The following TJP2 variants were observed in gnomAD, a reference collection of about 807,000 sequenced individuals.
TJP2 encodes Friedreich ataxia region gene X104 (tight junction protein ZO-2).
TJP2 carries 91 observed loss-of-function variants against 133.1 expected under a neutral mutation model. That is an observed-to-expected ratio of 0.68 (90% CI 0.58 to 0.81). The LOEUF (loss-of-function observed/expected upper bound fraction) is 0.81. TJP2 is among the 40% of genes least tolerant of loss of function. TJP2 has a pLI of 0.00. For missense variants in TJP2, 1,541 were observed against 1,565.6 expected, an observed-to-expected ratio of 0.98 and a Z score of 0.26; for synonymous variants, 592 against 583.4, an observed-to-expected ratio of 1.01 and a Z score of -0.21.
At chr9:69,162,416 A>C (rs549601714) in intron 2 of TJP2, among the ~76,000 whole-genome samples, 280 of 152,226 alleles carry the variant, frequency 1.8e-3, no homozygotes, top group Non-Finnish European at 3.2e-3. Flanking sequence ...TACTGTTTAC[A>C]CTTAACACAT....
In TJP2 at chr9:69,220,909, TCCAGGTGGCCGCACTTCAGG is replaced by T. The variant is rs2133269483; in HGVS notation, c.370_389del (p.Val124ProfsTer7). On this transcript the variant is annotated frameshift_variant, in exon 5 of 23. Coordinates refer to ENST00000377245, the MANE Select transcript of TJP2 (RefSeq NM_004817.4). LOFTEE classifies it high-confidence loss of function. Reference sequence around the variant, plus strand: ...CAGGTGGTCAAGAGGCCCCGGAAGGTCCAGGTGGCCGCACTTCAGGCCAGCCCTCCCCTGGATCAGGATGA... The same window carrying T: ...CAGGTGGTCAAGAGGCCCCGGAAGGTCCAGCCCTCCCCTGGATCAGGATGA... The T allele has an allele frequency of 1.1e-5, 18 of 1,612,312 alleles. No individual in the cohort carries two copies. The highest frequency in any genetic ancestry group is 1.5e-5 in the Non-Finnish European group (18 of 1,180,004).
At chr9:69,148,503 T>G (rs1016665439) in intron 1 of TJP2, among the ~76,000 whole-genome samples, 1 of 145,244 alleles carries the variant, frequency 6.9e-6, no homozygotes, top group African/African-American at 2.6e-5. Context: ...ACCTCCCAAG[T>G]AGCTGGGACT....
In TJP2 at chr9:69,216,439, G is replaced by C. The variant is rs747848974; in HGVS notation, c.215G>C (p.Gly72Ala). Residue 72 changes from glycine (G) to alanine (A), a missense_variant, in exon 3 of 23, where the codon GGT becomes GCT. Transcript: ENST00000377245. ...ATTGTCATTTCTGATGTGCTCCCGG[G>C]TGGGCCTGCTGATGGGCTGCTCCAG... ...TSIVISDVLP[G>A]GPADGLLQEN... 18 of 1,614,036 alleles carry C rather than the reference G, an allele frequency of 1.1e-5. No homozygotes were observed. In the Admixed American group the frequency reaches 3.0e-4, roughly 27 times the overall value.
intron 22 of TJP2, chr9:69,253,954 C>T (rs966110404): frequency 7.5e-6 from 4 of 530,142 alleles, no homozygotes; most frequent in East Asian, 3.4e-5. Flanking sequence ...GAGGGCACCC[C>T]CTGTCCAACA....
chr9:69,241,916 C>G (rs1185863262), intron 17 of TJP2, among the ~76,000 whole-genome samples: 1 of 152,172 alleles, frequency 6.6e-6, no homozygotes, highest in Non-Finnish European at 1.5e-5. Context: ...TTCCTTTTGA[C>G]AGATTAAAAA....
At chr9:69,150,910 T>C (rs1356287755) in intron 1 of TJP2, among the ~76,000 whole-genome samples, 2 of 152,132 alleles carry the variant, frequency 1.3e-5, no homozygotes, top group Non-Finnish European at 2.9e-5. Flanking sequence ...ATCCATACAA[T>C]GTAATATTAT....
rs763673720 is a variant in TJP2 at position 69,251,085 on chromosome 9, A to G, written c.3042A>G (p.Glu1014=). ...EESYDFSKSY[E]YKSNPSAVAG... ...CCTATGACTTCTCCAAATCCTATGA[A>G]TATAAGTCAAACCCCTCTGCCGTTG... The change falls in exon 21 of 23, where the codon GAA becomes GAG. Residue 1014 remains glutamate (E), a synonymous_variant. Coordinates refer to ENST00000377245, the MANE Select transcript of TJP2 (RefSeq NM_004817.4). The G allele has an allele frequency of 8.7e-6, 14 of 1,614,218 alleles. No homozygotes were observed. Among genetic ancestry groups the G allele is most frequent in the Admixed American group, 8.3e-5 (5 of 60,032 alleles).
chr9:69,227,887 A>C lies in TJP2; in HGVS notation c.1319+14A>C, dbSNP rs1829467274. On this transcript the variant is annotated intron_variant, in intron 8 of 22. Coordinates refer to ENST00000377245, the MANE Select transcript of TJP2 (RefSeq NM_004817.4). Reference sequence around the variant, plus strand: ...GGAAAGGCCAAGGTAAGATGACATGAATATTCTCTTGTACATGTCATTGTG... The same window carrying C: ...GGAAAGGCCAAGGTAAGATGACATGCATATTCTCTTGTACATGTCATTGTG... The C allele has an allele frequency of 6.2e-7, 1 of 1,609,928 alleles. No homozygotes were observed. Among genetic ancestry groups the C allele is most frequent in the African/African-American group, 1.3e-5 (1 of 74,846 alleles).
At chr9:69,196,948 C>T (rs377186952) in intron 1 of TJP2, among the ~76,000 whole-genome samples, 24,291 of 127,698 alleles carry the variant, frequency 0.19, 2,050 homozygotes, top group Middle Eastern at 0.27. Flanking sequence ...TGTGTGTGTA[C>T]ACACACACAC....
At chr9:69,242,572 A>G (rs937891574) in intron 17 of TJP2, among the ~76,000 whole-genome samples, 2 of 152,226 alleles carry the variant, frequency 1.3e-5, no homozygotes, top group East Asian at 1.9e-4. Context: ...GAAATTGCCA[A>G]TCTCTTATGT....
At chr9:69,201,776 T>C (rs1827010551) in intron 1 of TJP2, among the ~76,000 whole-genome samples, 2 of 152,168 alleles carry the variant, frequency 1.3e-5, no homozygotes, top group Admixed American at 1.3e-4. Flanking sequence ...TATTCAGCCT[T>C]AGAAAGGGAG....
In TJP2 at chr9:69,221,259, C is replaced by A; in HGVS notation, c.715C>A (p.Arg239Ser). 1 of 1,608,336 alleles carries A rather than the reference C, an allele frequency of 6.2e-7. No individual in the cohort carries two copies. The highest frequency in any genetic ancestry group is 1.3e-5 in the African/African-American group (1 of 74,938). Residue 239 changes from arginine to serine, a missense_variant, in exon 5 of 23, where the codon CGC becomes AGC. Physicochemically the swap from Arg to Ser is moderately radical, Grantham distance 110. Transcript: ENST00000377245. Reference sequence around the variant, plus strand: ...GCCATCCCGGGACCGGGACCGTGACCGCAGCCGCGGCCGGAGCATTGACCA... The same window carrying A: ...GCCATCCCGGGACCGGGACCGTGACAGCAGCCGCGGCCGGAGCATTGACCA... Reference protein sequence around the residue: ...FGPSRDRDRDRSRGRSIDQDY... With the variant: ...FGPSRDRDRDSSRGRSIDQDY...
chr9:69,206,923 GA>G (rs1243298148), intron 1 of TJP2, among the ~76,000 whole-genome samples: 3 of 152,104 alleles, frequency 2.0e-5, no homozygotes, highest in Non-Finnish European at 4.4e-5. Flanking sequence ...TACCATAAAA[GA>G]ATTAAATATC....
At position 69,246,750 on chromosome 9, in the gene TJP2, A is replaced by G. The variant is rs1830956140; in HGVS notation, c.2627A>G (p.Gln876Arg). The G allele has an allele frequency of 6.2e-7, 1 of 1,614,182 alleles. No individual in the cohort carries two copies. The highest frequency in any genetic ancestry group is 8.5e-7 in the Non-Finnish European group (1 of 1,180,020). ...TTTGGCAGCTTAAAGGACACTATTC[A>G]GCATCAGCAAGGAGAAGCGGTTTGG... ...SWFGSLKDTI[Q>R]HQQGEAVWVS... Residue 876 changes from glutamine to arginine, a missense_variant, in exon 18 of 23, where the codon CAG becomes CGG. Coordinates refer to ENST00000377245, the MANE Select transcript of TJP2 (RefSeq NM_004817.4).
chr9:69,239,702 T>C (rs1318828863), intron 16 of TJP2, among the ~76,000 whole-genome samples: 1 of 151,842 alleles, frequency 6.6e-6, no homozygotes, highest in African/African-American at 2.4e-5. Context: ...TAATCCCAGC[T>C]ACTCAGGAGG....
chr9:69,192,488 C>G (rs771734456), intron 1 of TJP2, among the ~76,000 whole-genome samples: 1 of 152,048 alleles, frequency 6.6e-6, no homozygotes, highest in South Asian at 2.1e-4. Context: ...GGTCTCCAGG[C>G]CCCAAGAGGA....
intron 18 of TJP2, among the ~76,000 whole-genome samples, chr9:69,247,656 G>C (rs1186720672): frequency 6.6e-6 from 1 of 152,146 alleles, no homozygotes; most frequent in African/African-American, 2.4e-5. Flanking sequence ...GCACAAGGCA[G>C]CGTGCAATGT....
chr9:69,205,080 T>TTACG (rs1222521616), intron 1 of TJP2: 2 of 1,518,070 alleles, frequency 1.3e-6, no homozygotes, highest in African/African-American at 2.8e-5. Flanking sequence ...TGTATCCGCC[T>TTACG]TACGTAACCA....
rs930539390 is a variant in TJP2 at position 69,174,307 on chromosome 9, T to TAGGAGC, written c.-57_-52dup. ...ACTGTCCGGTGGTGCCCAGGAGGAG[T>TAGGAGC]AGGAGCAGGAGCAGAAGCAGAAGCG... On this transcript the variant is annotated 5_prime_UTR_variant, in exon 1 of 23. Coordinates refer to ENST00000377245, the MANE Select transcript of TJP2 (RefSeq NM_004817.4). 88 of 1,547,816 alleles carry TAGGAGC rather than the reference T, an allele frequency of 5.7e-5. No individual in the cohort carries two copies. The highest frequency in any genetic ancestry group is 1.5e-4 in the East Asian group (6 of 40,758).
Sources: allele counts gnomAD v4.1 joint callset (sites outside exome capture counted in the v4.1 genomes callset), GRCh38; gene constraint gnomAD v4.1.1; transcripts MANE v1.5; gene names NCBI Gene and HGNC (gene_info 2026-07-23, HGNC 2026-07-21).